The following SPATS2L variants were observed in gnomAD, a reference collection of about 807,000 sequenced individuals.
SPATS2L encodes spermatogenesis associated serine rich 2 like.
SPATS2L carries 30 observed loss-of-function variants against 59.6 expected under a neutral mutation model. That is an observed-to-expected ratio of 0.50 (90% CI 0.38 to 0.68). SPATS2L has a LOEUF of 0.68. Among genes scored for constraint, SPATS2L ranks in the 30% least tolerant of loss-of-function variants. The pLI, the probability that SPATS2L is intolerant of heterozygous loss-of-function variation, is 0.00. For synonymous variants in SPATS2L, 252 were observed against 263.5 expected, an observed-to-expected ratio of 0.96 and a Z score of 0.42; for missense variants, 615 against 700.0, an observed-to-expected ratio of 0.88 and a Z score of 1.37.
At chr2:200,439,457 C>T in intron 7 of SPATS2L, 129 bp downstream of exon 7, 1 of 709,920 alleles carries the variant, frequency 1.4e-6, no homozygotes, top group Non-Finnish European at 2.4e-6. Context: ...ATTTTTTTTT[C>T]TGTGACCCAC....
chr2:200,427,976 G>C (rs1315250276), intron 6 of SPATS2L, among the ~76,000 whole-genome samples: 1 of 151,968 alleles, frequency 6.6e-6, no homozygotes, highest in Non-Finnish European at 1.5e-5. Context: ...GGAGGCTGAG[G>C]TGGGAGGATC....
intron 6 of SPATS2L, among the ~76,000 whole-genome samples, chr2:200,438,703 C>G (rs1483759096): frequency 6.6e-6 from 1 of 152,118 alleles, no homozygotes; most frequent in East Asian, 1.9e-4. Context: ...TAATGTAGCA[C>G]TTGGAGATAG....
intron 12 of SPATS2L, among the ~76,000 whole-genome samples, chr2:200,475,972 C>G (rs2087489313): frequency 1.3e-5 from 2 of 152,120 alleles, no homozygotes; most frequent in African/African-American, 4.8e-5. Context: ...ACTCCTTATC[C>G]TCATCTATAA....
At position 200,467,280 on chromosome 2, in the gene SPATS2L, T is replaced by C; in HGVS notation, c.848-10T>C. The C allele has an allele frequency of 6.3e-7, 1 of 1,594,394 alleles. No individual in the cohort carries two copies. Among genetic ancestry groups the C allele is most frequent in the Non-Finnish European group, 8.6e-7 (1 of 1,162,114 alleles). ...CTGGCCCTAATGTATGACTCCTCCT[T>C]ATTTGGCAGTGGAAATCCTGACTGC... On this transcript the variant is annotated splice_polypyrimidine_tract_variant and intron_variant, in intron 9 of 12. Coordinates refer to ENST00000409140, the MANE Select transcript of SPATS2L (RefSeq NM_001100423.2).
At chr2:200,461,925 G>A (rs1026632314) in intron 9 of SPATS2L, among the ~76,000 whole-genome samples, 8 of 152,194 alleles carry the variant, frequency 5.3e-5, no homozygotes, top group African/African-American at 1.9e-4. Flanking sequence ...TTAGAATCCT[G>A]AAATACAGCA....
chr2:200,342,569 A>T (rs2080367882), intron 2 of SPATS2L, among the ~76,000 whole-genome samples: 2 of 152,138 alleles, frequency 1.3e-5, no homozygotes, highest in Non-Finnish European at 2.9e-5. Flanking sequence ...GTTGTTGGGG[A>T]GCTGAGCTCT....
intron 4 of SPATS2L, 113 bp downstream of exon 4, chr2:200,412,532 C>T (rs1574431716): frequency 2.0e-6 from 1 of 499,772 alleles, no homozygotes; most frequent in Middle Eastern, 4.9e-4. Flanking sequence ...CTTTAGGTCT[C>T]ATAGAAATGT....
chr2:200,413,606 A>G (rs1023964334), intron 4 of SPATS2L, among the ~76,000 whole-genome samples: 1 of 152,214 alleles, frequency 6.6e-6, no homozygotes. Flanking sequence ...AAGACCTGCC[A>G]GCACATTTCT....
intron 3 of SPATS2L, among the ~76,000 whole-genome samples, chr2:200,401,497 A>G (rs796912869): frequency 1.3e-4 from 20 of 152,286 alleles, no homozygotes; most frequent in African/African-American, 4.6e-4. Context: ...TGAAATTATA[A>G]TATTACATAA....
intron 6 of SPATS2L, among the ~76,000 whole-genome samples, chr2:200,432,616 A>T (rs537300891): frequency 6.6e-6 from 1 of 152,330 alleles, no homozygotes; most frequent in South Asian, 2.1e-4. Context: ...ATTACTAGAC[A>T]TGGGAAGGAG....
chr2:200,344,913 G>T (rs145635561), intron 2 of SPATS2L, among the ~76,000 whole-genome samples: 3,241 of 151,882 alleles, frequency 0.021, 50 homozygotes, highest in Non-Finnish European at 0.034. Context: ...TTTTTGATGG[G>T]GCTGTTTTGT....
intron 2 of SPATS2L, among the ~76,000 whole-genome samples, chr2:200,362,241 T>C (rs911445368): frequency 6.6e-6 from 1 of 152,132 alleles, no homozygotes; most frequent in Non-Finnish European, 1.5e-5. Context: ...GAGACAGACC[T>C]TGTCTTGAAA....
At chr2:200,477,360 A>C (rs1414507141) in intron 12 of SPATS2L, among the ~76,000 whole-genome samples, 2 of 151,796 alleles carry the variant, frequency 1.3e-5, no homozygotes, top group Non-Finnish European at 2.9e-5. Context: ...ATTTTATTTG[A>C]CCCAGTTTTT....
At chr2:200,391,677 T>C (rs1242746303) in intron 3 of SPATS2L, among the ~76,000 whole-genome samples, 2 of 152,220 alleles carry the variant, frequency 1.3e-5, no homozygotes, top group Admixed American at 6.5e-5. Flanking sequence ...TTTATAAATC[T>C]TCATGTTAAA....
intron 12 of SPATS2L, 31 bp downstream of exon 12, chr2:200,473,083 G>GAA (rs11402412): frequency 5.0e-3 from 6,010 of 1,213,838 alleles, no homozygotes; most frequent in African/African-American, 8.5e-3. Context: ...GGTGCCAGAG[G>GAA]AAAAAAAAAA....
At chr2:200,408,726 T>C (rs2082772790) in intron 3 of SPATS2L, among the ~76,000 whole-genome samples, 1 of 152,228 alleles carries the variant, frequency 6.6e-6, no homozygotes. Context: ...AAAGTCACAC[T>C]GCCTCACTGC....
At chr2:200,379,400 G>GT (rs1176323412) in intron 2 of SPATS2L, among the ~76,000 whole-genome samples, 2 of 152,184 alleles carry the variant, frequency 1.3e-5, no homozygotes, top group East Asian at 3.9e-4. Flanking sequence ...TGGGTATACG[G>GT]TAAGAGTTCA....
At chr2:200,384,336 T>TTTTATTTATTTATTTA (rs10592541) in intron 2 of SPATS2L, among the ~76,000 whole-genome samples, 87 of 148,192 alleles carry the variant, frequency 5.9e-4, no homozygotes, top group African/African-American at 2.2e-3. Flanking sequence ...GGTTCATAAA[T>TTTTATTTATTTATTTA]TTTATTTATT....
chr2:200,404,547 A>G (rs1036935692), intron 3 of SPATS2L, among the ~76,000 whole-genome samples: 1 of 152,130 alleles, frequency 6.6e-6, no homozygotes, highest in African/African-American at 2.4e-5. Flanking sequence ...ATTTTTTTAA[A>G]AGGTAATAGT....
Sources: gnomAD v4.1 joint callset for allele counts (sites outside exome capture counted in the v4.1 genomes callset) on GRCh38, gnomAD v4.1.1 for gene constraint, MANE v1.5 for transcripts, NCBI Gene and HGNC (gene_info 2026-07-23, HGNC 2026-07-21) for gene names.